ZNF862: variants seen among roughly 807,000 people sequenced by gnomAD.
ZNF862 encodes zinc finger protein 862.
ZNF862 carries 64 observed loss-of-function variants against 91.1 expected under a neutral mutation model. That is an observed-to-expected ratio of 0.70 (90% confidence interval 0.57 to 0.87). The LOEUF (loss-of-function observed/expected upper bound fraction) is 0.87. Among genes scored for constraint, ZNF862 ranks in the 40% least tolerant of loss-of-function variants. The pLI, the probability that ZNF862 is intolerant of heterozygous loss-of-function variation, is 0.00. For missense variants in ZNF862, 1,459 were observed against 1,528.0 expected (o/e 0.95, Z 0.75); for synonymous variants, 631 against 618.1 (o/e 1.02, Z -0.31).
chr7:149,857,173 G>C (rs929352180), intron 5 of ZNF862, among the ~76,000 whole-genome samples: 5 of 151,952 alleles, frequency 3.3e-5, no homozygotes, highest in Non-Finnish European at 7.4e-5. Flanking sequence ...GTGGAAACTG[G>C]TCTTTCCCTG....
In ZNF862 at chr7:149,838,619, C is replaced by T; in HGVS notation, c.8C>T (p.Pro3Leu). 8.1e-7 allele frequency: 1 copy of T among 1,228,306 alleles called. No homozygotes were observed. Among genetic ancestry groups the T allele is most frequent in the Non-Finnish European group, 1.0e-6 (1 of 981,100 alleles). The allele number at this position is 1,228,306 out of a possible 1,614,324, so 76.1% of individuals were successfully genotyped here. Residue 3 changes from proline to leucine, a missense_variant, in exon 1 of 8, where the codon CCC becomes CTC. By Grantham distance (98) the Pro-to-Leu change is moderately conservative. Coordinates refer to ENST00000223210, the MANE Select transcript of ZNF862 (RefSeq NM_001099220.3). Reference sequence around the variant, plus strand: ...GCCTCCGAAAGCGGGGCCATGGAGCCCAGAGAGTCGGGGAAGGTAGGACTG... The same window carrying T: ...GCCTCCGAAAGCGGGGCCATGGAGCTCAGAGAGTCGGGGAAGGTAGGACTG... ME[P>L]RESGKAPVTF...
intron 5 of ZNF862, chr7:149,859,194 G>C (rs1011412939): frequency 3.5e-6 from 2 of 579,170 alleles, no homozygotes; most frequent in South Asian, 3.9e-5. Context: ...GGTGTGTATG[G>C]CTGGCCCATG....
chr7:149,840,239 A>G (rs980631335), intron 1 of ZNF862, among the ~76,000 whole-genome samples: 2 of 150,666 alleles, frequency 1.3e-5, no homozygotes, highest in African/African-American at 4.9e-5. Flanking sequence ...ACAAAACCTC[A>G]TAGAATTAGA....
chr7:149,863,865 A>G lies in ZNF862; in HGVS notation c.3335-244A>G, dbSNP rs74817675. The stretch of plus-strand genomic sequence containing the variant: ...AGCACACACCCCATTTGTGACCACA[A>G]AAATCATCTCCAGACATTGGCAAAT... On this transcript the variant is annotated intron_variant, in intron 7 of 7. Coordinates refer to ENST00000223210, the MANE Select transcript of ZNF862 (RefSeq NM_001099220.3). Among the ~76,000 whole-genome samples, 100 of 152,380 alleles carry G rather than the reference A, an allele frequency of 6.6e-4. No individual in the cohort carries two copies. In the East Asian group the frequency reaches 0.018, roughly 27 times the overall value.
At position 149,863,694 on chromosome 7, in the gene ZNF862, C is replaced by T. The variant is rs142809006; in HGVS notation, c.3335-415C>T. Among the ~76,000 whole-genome samples the T allele has an allele frequency of 9.8e-3, 1,499 of 152,258 alleles. 29 individuals carry two copies. The highest frequency in any genetic ancestry group is 0.034 in the African/African-American group (1,415 of 41,532). On this transcript the variant is annotated intron_variant, in intron 7 of 7. Coordinates refer to ENST00000223210, the MANE Select transcript of ZNF862 (RefSeq NM_001099220.3). ...GTCCAAACACTGCCAAACTACGCAC[C>T]GCTGCCTCCTTCCAGGCAGGGCTCT...
At chr7:149,857,877 T>C (rs1019955939) in intron 5 of ZNF862, among the ~76,000 whole-genome samples, 2 of 152,288 alleles carry the variant, frequency 1.3e-5, no homozygotes, top group Admixed American at 6.5e-5. Context: ...AGTGCACCCC[T>C]TGGTCCATAG....
rs1802402938 is a variant in ZNF862, at chr7:149,859,977, G to A, written c.1223-406G>A. The A allele has an allele frequency of 1.2e-5, 3 of 255,402 alleles. No individual in the cohort carries two copies. The Admixed American group carries it at 1.5e-4, about 12-fold the overall frequency. The allele number at this position is 255,402 out of a possible 1,614,324, so 15.8% of individuals were successfully genotyped here. ...CTTACTTCTGTACCTACTTCCTTCT[G>A]AGGCTTGTAAAAGCCTTGGCAGGTG... On this transcript the variant is annotated intron_variant, in intron 6 of 7. Transcript: ENST00000223210.
At chr7:149,846,659 T>A (rs1307115246) in intron 3 of ZNF862, among the ~76,000 whole-genome samples, 2 of 152,194 alleles carry the variant, frequency 1.3e-5, no homozygotes, top group African/African-American at 4.8e-5. Flanking sequence ...TTCTTTCCTC[T>A]TTTGATAAGA....
intron 5 of ZNF862, among the ~76,000 whole-genome samples, chr7:149,857,815 G>A (rs996249285): frequency 2.6e-5 from 4 of 152,102 alleles, no homozygotes; most frequent in Non-Finnish European, 4.4e-5. Context: ...AACGCTTCCC[G>A]TCTCCTGTTT....
rs1212651784 is a variant in ZNF862, at chr7:149,861,961, A to T, written c.2801A>T (p.Gln934Leu). The T allele has an allele frequency of 6.2e-7, 1 of 1,613,846 alleles. No homozygotes were observed. Among genetic ancestry groups the T allele is most frequent in the Non-Finnish European group, 8.5e-7 (1 of 1,179,882 alleles). ...CTGACGGGGATTGAGTACCTCCAGC[A>T]GAGGTTTGACGCAGACCGACCCCCA... ...TVLTGIEYLQ[Q>L]RFDADRPPQL... The change falls in exon 7 of 8, where the codon CAG becomes CTG. Residue 934 changes from glutamine (Q) to leucine (L), a missense_variant. Physicochemically the swap from Gln to Leu is moderately radical, Grantham distance 113. Transcript: ENST00000223210. The surrounding 1 kb of genome is among the most constrained non-coding windows in gnomAD (Gnocchi z 6.7).
At chr7:149,845,859 C>T (rs892305649) in intron 2 of ZNF862, among the ~76,000 whole-genome samples, 4 of 152,064 alleles carry the variant, frequency 2.6e-5, no homozygotes, top group African/African-American at 9.7e-5. Context: ...ACCAGGCTGG[C>T]CCCTCTCAGT....
chr7:149,838,610 C>T lies in ZNF862; in HGVS notation c.-2C>T, dbSNP rs909375321. Reference sequence around the variant, plus strand: ...GCGGCACGGGCCTCCGAAAGCGGGGCCATGGAGCCCAGAGAGTCGGGGAAG... The same window carrying T: ...GCGGCACGGGCCTCCGAAAGCGGGGTCATGGAGCCCAGAGAGTCGGGGAAG... On this transcript the variant is annotated 5_prime_UTR_variant, in exon 1 of 8. Transcript: ENST00000223210. 2 of 1,225,834 alleles carry T rather than the reference C, an allele frequency of 1.6e-6. No individual in the cohort carries two copies. Among genetic ancestry groups the T allele is most frequent in the Non-Finnish European group, 1.0e-6 (1 of 979,760 alleles). The allele number at this position is 1,225,834 out of a possible 1,614,324, so 75.9% of individuals were successfully genotyped here. A position where few individuals can be genotyped will look rare whatever the true frequency, so the allele number is the denominator to read the frequency against.
At position 149,861,036 on chromosome 7, in the gene ZNF862, G is replaced by T. The variant is rs201013448; in HGVS notation, c.1876G>T (p.Val626Leu). ...CGTGCGGAACTCGCCCTGTGTGAGC[G>T]TGCTGCTGGACAGCTCCACCGACGC... ...EDVRNSPCVSVLLDSSTDASE... is the reference protein window; with the variant it reads ...EDVRNSPCVSLLLDSSTDASE... The change falls in exon 7 of 8, where the codon GTG (valine) becomes TTG (leucine). Residue 626 changes from valine (V) to leucine (L), a missense_variant. Physicochemically the swap from Val to Leu is conservative, Grantham distance 32. Coordinates refer to ENST00000223210, the MANE Select transcript of ZNF862 (RefSeq NM_001099220.3). This position sits in a 1 kb window ranked among gnomAD's most constrained non-coding sequence, Gnocchi z 6.7. The T allele has an allele frequency of 6.2e-7, 1 of 1,612,842 alleles. No homozygotes were observed. The highest frequency in any genetic ancestry group is 8.5e-7 in the Non-Finnish European group (1 of 1,179,696).
Position 149,848,023 on chromosome 7 carries a change from T to A in ZNF862, c.530T>A (p.Leu177Gln). The change falls in exon 4 of 8, where the codon CTA becomes CAA. Residue 177 changes from leucine to glutamine, a missense_variant. Coordinates refer to ENST00000223210, the MANE Select transcript of ZNF862 (RefSeq NM_001099220.3). ...YPSIRDKRSR[L>Q]IEGYTGPFKV... Reference sequence around the variant, plus strand: ...TCCATCAGGGACAAACGGTCAAGACTAATAGAAGGTTATACAGGACCATTC... The same window carrying A: ...TCCATCAGGGACAAACGGTCAAGACAAATAGAAGGTTATACAGGACCATTC... 6.2e-7 allele frequency: 1 copy of A among 1,613,836 alleles called. No homozygotes were observed. The highest frequency in any genetic ancestry group is 8.5e-7 in the Non-Finnish European group (1 of 1,179,828).
intron 1 of ZNF862, 40 bp downstream of exon 1, chr7:149,838,675 A>C (rs1221722263): frequency 1.7e-6 from 2 of 1,195,230 alleles, no homozygotes; most frequent in Non-Finnish European, 2.1e-6. Flanking sequence ...CTCCCTCCCG[A>C]GGATCCCCGA....
At position 149,860,839 on chromosome 7, in the gene ZNF862, A is replaced by G. The variant is rs149702058; in HGVS notation, c.1679A>G (p.Asn560Ser). ...DLMANMEHFF[N>S]AAYSIAYHSR... Reference sequence around the variant, plus strand: ...ATGGCCAACATGGAGCACTTTTTCAATGCCGCCTACTCCATTGCATACCAC... The same window carrying G: ...ATGGCCAACATGGAGCACTTTTTCAGTGCCGCCTACTCCATTGCATACCAC... The change falls in exon 7 of 8, where the codon AAT becomes AGT. Residue 560 changes from asparagine (N) to serine (S), a missense_variant. Coordinates refer to ENST00000223210, the MANE Select transcript of ZNF862 (RefSeq NM_001099220.3). 2.1e-4 allele frequency: 332 copies of G among 1,613,648 alleles called. No individual in the cohort carries two copies. The highest frequency in any genetic ancestry group is 8.9e-4 in the East Asian group (40 of 44,866).
At chr7:149,863,650 A>T (rs771764885) in intron 7 of ZNF862, among the ~76,000 whole-genome samples, 1 of 152,226 alleles carries the variant, frequency 6.6e-6, no homozygotes, top group Non-Finnish European at 1.5e-5. Flanking sequence ...CACAGGGACA[A>T]CAGGACCAGC....
chr7:149,862,376 C>G lies in ZNF862; in HGVS notation c.3216C>G (p.Gly1072=), dbSNP rs2074701. ...LNMLMMTAVN[G]VAVTEYDPQP... ...TGCTCATGATGACAGCTGTGAACGG[C>G]GTGGCCGTCACGGAGTACGACCCCC... The change falls in exon 7 of 8, where the codon GGC becomes GGG. Residue 1072 remains glycine (G), a synonymous_variant. Transcript: ENST00000223210. 6.2e-7 allele frequency: 1 copy of G among 1,611,778 alleles called. No homozygotes were observed. Among genetic ancestry groups the G allele is most frequent in the Non-Finnish European group, 8.5e-7 (1 of 1,179,124 alleles).
chr7:149,847,687 T>A (rs1478877089), intron 3 of ZNF862, 48 bp from the exon 4 acceptor site: 1 of 1,454,708 alleles, frequency 6.9e-7, no homozygotes, highest in Non-Finnish European at 9.3e-7. Flanking sequence ...TTGCAGTGGC[T>A]CTAACTATAG....
Sources: gnomAD v4.1 joint callset for allele counts (sites outside exome capture counted in the v4.1 genomes callset) on GRCh38, gnomAD v4.1.1 for gene constraint, Gnocchi (gnomAD v3.1) non-coding constraint, MANE v1.5 for transcripts, NCBI Gene and HGNC (gene_info 2026-07-23, HGNC 2026-07-21) for gene names.